SCAF8: variants seen among roughly 807,000 people sequenced by gnomAD.
The protein encoded by SCAF8 is SR-related and CTD-associated factor 8.
A neutral mutation model predicts 140.5 loss-of-function variants in SCAF8; 23 were observed. That is an observed-to-expected ratio of 0.16 (90% CI 0.12 to 0.23). SCAF8 has a LOEUF of 0.23. SCAF8 is among the 10% of genes least tolerant of loss of function. SCAF8 has a pLI of 1.00. For missense variants in SCAF8, 1,397 were observed against 1,555.7 expected (o/e 0.90, Z 1.72); for synonymous variants, 575 against 528.9 (o/e 1.09, Z -1.20).
intron 11 of SCAF8, among the ~76,000 whole-genome samples, 169 bp downstream of exon 11, chr6:154,808,967 G>A (rs1335582611): frequency 6.6e-6 from 1 of 152,086 alleles, no homozygotes; most frequent in Non-Finnish European, 1.5e-5. Context: ...GTTTTAATTG[G>A]TATATCTGTG....
chr6:154,829,386 C>T (rs963745067), intron 18 of SCAF8, among the ~76,000 whole-genome samples: 2 of 152,004 alleles, frequency 1.3e-5, no homozygotes, highest in South Asian at 4.2e-4. Flanking sequence ...TATCATTGGA[C>T]GTTACAGAAA....
At chr6:154,827,842 G>GT (rs1459649206) in intron 18 of SCAF8, among the ~76,000 whole-genome samples, 1 of 150,676 alleles carries the variant, frequency 6.6e-6, no homozygotes, top group Non-Finnish European at 1.5e-5. Context: ...GGCGGGGGGG[G>GT]GGGCGGTGTA....
chr6:154,812,473 G>T (rs1447487983), intron 12 of SCAF8, among the ~76,000 whole-genome samples: 1 of 151,870 alleles, frequency 6.6e-6, no homozygotes, highest in African/African-American at 2.4e-5. Flanking sequence ...GCTTTATTGT[G>T]GTGGTCTGGA....
Position 154,832,427 on chromosome 6 carries a change from C to T in SCAF8, c.2848C>T (p.Arg950Trp), listed in dbSNP as rs187665759. 11 of 1,614,146 alleles carry T rather than the reference C, an allele frequency of 6.8e-6. No individual in the cohort carries two copies. The highest frequency in any genetic ancestry group is 4.4e-5 in the South Asian group (4 of 91,080). The change falls in exon 20 of 20, where the codon CGG becomes TGG. Residue 950 changes from arginine to tryptophan, a missense_variant. Transcript: ENST00000367178. ...PLIQPGIPPQ[R>W]GIPPPSVLDS... ...AATACAGCCTGGAATTCCACCCCAA[C>T]GGGGAATCCCACCCCCATCGGTACT...
At chr6:154,752,376 T>TA (rs1257737793) in intron 1 of SCAF8, among the ~76,000 whole-genome samples, 1 of 152,206 alleles carries the variant, frequency 6.6e-6, no homozygotes, top group Non-Finnish European at 1.5e-5. Flanking sequence ...GAGATAATGG[T>TA]ATATTTCCTG....
At chr6:154,753,960 C>T (rs958000579) in intron 1 of SCAF8, among the ~76,000 whole-genome samples, 3 of 152,198 alleles carry the variant, frequency 2.0e-5, no homozygotes, top group Non-Finnish European at 4.4e-5. Context: ...TCCTCGGCCT[C>T]CCAAAGTGTT....
At chr6:154,790,849 T>TC (rs909067132) in intron 4 of SCAF8, among the ~76,000 whole-genome samples, 22 of 152,246 alleles carry the variant, frequency 1.4e-4, no homozygotes, top group African/African-American at 4.1e-4. Flanking sequence ...TCTTTTTTTT[T>TC]CCTAATGGAA....
At chr6:154,803,835 C>T (rs965177893) in intron 8 of SCAF8, among the ~76,000 whole-genome samples, 3 of 152,050 alleles carry the variant, frequency 2.0e-5, no homozygotes, top group African/African-American at 2.4e-5. Flanking sequence ...TCAAAGTTAC[C>T]TATAAGAACA....
chr6:154,784,134 TATATATATATATATATATATA>T (rs1777172934), intron 3 of SCAF8, among the ~76,000 whole-genome samples: 3 of 77,146 alleles, frequency 3.9e-5, no homozygotes, highest in African/African-American at 2.4e-4. Context: ...TATATATATA[TATATATATATATATATATATA>T]TATTTATTTA....
chr6:154,739,440 C>T (rs898518331), intron 1 of SCAF8, among the ~76,000 whole-genome samples: 7 of 152,038 alleles, frequency 4.6e-5, no homozygotes, highest in Admixed American at 4.6e-4. Context: ...CTTTGTATAG[C>T]TAGTGTATTA....
intron 14 of SCAF8, 84 bp from the exon 15 acceptor site, chr6:154,820,093 T>C (rs1342802872): frequency 1.8e-6 from 2 of 1,107,306 alleles, no homozygotes; most frequent in Non-Finnish European, 2.5e-6. Context: ...GTTTACATTG[T>C]TTAAATAAAA....
chr6:154,754,679 A>G (rs1419932034), intron 1 of SCAF8, among the ~76,000 whole-genome samples: 1 of 152,022 alleles, frequency 6.6e-6, no homozygotes, highest in Non-Finnish European at 1.5e-5. Flanking sequence ...GTCTCTTTCA[A>G]ATTTTTGTGT....
intron 12 of SCAF8, among the ~76,000 whole-genome samples, chr6:154,814,322 CAAACAAACGAA>C (rs1476364491): frequency 6.6e-6 from 1 of 152,146 alleles, no homozygotes; most frequent in Non-Finnish European, 1.5e-5. Context: ...GTCTCAGAAA[CAAACAAACGAA>C]AAACAAACCT....
At chr6:154,784,343 G>A (rs1209209698) in intron 3 of SCAF8, among the ~76,000 whole-genome samples, 1 of 151,508 alleles carries the variant, frequency 6.6e-6, no homozygotes, top group African/African-American at 2.4e-5. Context: ...TCTTCCCTAG[G>A]ATATTTTAGA....
intron 16 of SCAF8, 116 bp from the exon 17 acceptor site, chr6:154,824,118 C>T (rs1358711213): frequency 3.9e-6 from 4 of 1,033,202 alleles, no homozygotes; most frequent in Non-Finnish European, 5.7e-6. Context: ...GGCATAAAAC[C>T]CTTTTTAGTA....
intron 1 of SCAF8, among the ~76,000 whole-genome samples, chr6:154,744,869 C>T (rs1778658375): frequency 6.6e-6 from 1 of 152,192 alleles, no homozygotes; most frequent in Non-Finnish European, 1.5e-5. Flanking sequence ...TGTCTCTTCA[C>T]ATACAAATGA....
Position 154,773,972 on chromosome 6 carries a change from T to G in SCAF8, c.31-17T>G. 6.4e-7 allele frequency: 1 copy of G among 1,557,298 alleles called. No individual in the cohort carries two copies. The highest frequency in any genetic ancestry group is 8.8e-7 in the Non-Finnish European group (1 of 1,133,722). On this transcript the variant is annotated splice_polypyrimidine_tract_variant and intron_variant, in intron 1 of 19. Transcript: ENST00000367178. ...TGGAGAGTTTTGCTGTATGTAAATTTGTTCTTTTTTCATCAGTTGTATTCC... is the reference window on the plus strand; with the variant it reads ...TGGAGAGTTTTGCTGTATGTAAATTGGTTCTTTTTTCATCAGTTGTATTCC...
At chr6:154,736,015 G>A (rs1427586267) in intron 1 of SCAF8, among the ~76,000 whole-genome samples, 1 of 151,844 alleles carries the variant, frequency 6.6e-6, no homozygotes, top group Non-Finnish European at 1.5e-5. Context: ...TTATAGAGAG[G>A]AGGTCTTGTT....
chr6:154,820,467 A>C, intron 15 of SCAF8, 134 bp downstream of exon 15: 1 of 683,192 alleles, frequency 1.5e-6, no homozygotes. Context: ...ATACATTACT[A>C]TGCCCTAGTG....
Sources: gnomAD v4.1 joint callset for allele counts (sites outside exome capture counted in the v4.1 genomes callset) on GRCh38, gnomAD v4.1.1 for gene constraint, MANE v1.5 for transcripts, NCBI Gene and HGNC (gene_info 2026-07-23, HGNC 2026-07-21) for gene names.